Variants in RAB31 observed in about 807,000 individuals in gnomAD.
The protein encoded by RAB31 is ras-related protein Rab-31.
In RAB31, 21 loss-of-function variants were observed where a neutral mutation model predicts 25.6. That is an observed-to-expected ratio of 0.82 (90% CI 0.58 to 1.18). RAB31 has a LOEUF of 1.18. Among genes scored for constraint, RAB31 ranks in the 50% most tolerant of loss-of-function variants. The pLI is 0.00. For synonymous variants in RAB31, 87 were observed against 84.0 expected, an observed-to-expected ratio of 1.04 and a Z score of -0.20; for missense variants, 196 against 250.1, an observed-to-expected ratio of 0.78 and a Z score of 1.46.
rs2068789081 is a variant in RAB31, at chr18:9,851,498, G to A, written c.490+5807G>A. ...GCTCTGTTATCATCCCTGTTTTACAGATGAGGAAATTGAGGCCTGGAGAGG... is the reference window on the plus strand; with the variant it reads ...GCTCTGTTATCATCCCTGTTTTACAAATGAGGAAATTGAGGCCTGGAGAGG... On this transcript the variant is annotated intron_variant, in intron 6 of 6. Coordinates refer to ENST00000578921, the MANE Select transcript of RAB31 (RefSeq NM_006868.4). 3.3e-5 allele frequency among the ~76,000 whole-genome samples: 5 copies of A among 152,308 alleles called. No homozygotes were observed. In the South Asian group the frequency reaches 8.3e-4, roughly 25 times the overall value.
Position 9,731,748 on chromosome 18 carries a change from A to G in RAB31, c.39+23304A>G, listed in dbSNP as rs2068124081. The stretch of plus-strand genomic sequence containing the variant: ...GTAGCTGGGATTACAGGCGTGTGGC[A>G]CCACGCCCAGCTGATTTTTGTATTT... On this transcript the variant is annotated intron_variant, in intron 1 of 6. Transcript: ENST00000578921. 2.0e-5 allele frequency among the ~76,000 whole-genome samples: 3 copies of G among 151,926 alleles called. No individual in the cohort carries two copies. The South Asian group carries it at 6.2e-4, about 32-fold the overall frequency.
At position 9,709,198 on chromosome 18, in the gene RAB31, C is replaced by T. The variant is rs1360208438; in HGVS notation, c.39+754C>T. On this transcript the variant is annotated intron_variant, in intron 1 of 6. Transcript: ENST00000578921. ...AGCCAGAAACAAAAAAGCAGTCAAT[C>T]CGTGCGGCCCGGGGACTGCAGACAG... Among the ~76,000 whole-genome samples, 4 of 152,198 alleles carry T rather than the reference C, an allele frequency of 2.6e-5. 1 individual carries two copies. Among genetic ancestry groups the T allele is most frequent in the African/African-American group, 4.8e-5 (2 of 41,468 alleles).
At chr18:9,715,528 CT>C (rs1161797158) in intron 1 of RAB31, among the ~76,000 whole-genome samples, 19,106 of 127,454 alleles carry the variant, frequency 0.15, 765 homozygotes, top group Middle Eastern at 0.31. Flanking sequence ...CTCTCTCTCT[CT>C]TTTTTTTTTT....
chr18:9,812,677 C>T (rs910878165), intron 3 of RAB31, among the ~76,000 whole-genome samples: 1 of 146,006 alleles, frequency 6.8e-6, no homozygotes, highest in East Asian at 2.0e-4. Flanking sequence ...TTCAAAACCC[C>T]TCCAGGATAC....
intron 5 of RAB31, chr18:9,816,192 T>C (rs947576409): frequency 1.4e-5 from 3 of 208,404 alleles, no homozygotes; most frequent in African/African-American, 6.8e-5. Context: ...TTGTTATGTC[T>C]GCCCTCAGTG....
intron 1 of RAB31, among the ~76,000 whole-genome samples, chr18:9,726,704 G>A (rs2068097736): frequency 6.6e-6 from 1 of 152,120 alleles, no homozygotes; most frequent in African/African-American, 2.4e-5. Flanking sequence ...TTCACTAAAT[G>A]AATACTGTAG....
intron 1 of RAB31, among the ~76,000 whole-genome samples, chr18:9,737,926 G>GC (rs2068158628): frequency 6.6e-6 from 1 of 152,128 alleles, no homozygotes; most frequent in Admixed American, 6.6e-5. Flanking sequence ...AGTTTTGTCT[G>GC]CCCCCCACGC....
intron 1 of RAB31, among the ~76,000 whole-genome samples, chr18:9,730,093 C>T (rs558194316): frequency 3.3e-5 from 5 of 152,100 alleles, no homozygotes; most frequent in Admixed American, 1.3e-4. Flanking sequence ...TCAGATACAA[C>T]GAAATCCAGC....
chr18:9,788,018 A>G (rs1257073061), intron 2 of RAB31, among the ~76,000 whole-genome samples: 1 of 152,254 alleles, frequency 6.6e-6, no homozygotes, highest in Non-Finnish European at 1.5e-5. Flanking sequence ...CATGATATCT[A>G]TCAAAGGTAC....
intron 3 of RAB31, among the ~76,000 whole-genome samples, chr18:9,807,284 A>C (rs913099552): frequency 6.6e-6 from 1 of 152,216 alleles, no homozygotes; most frequent in Non-Finnish European, 1.5e-5. Flanking sequence ...TGTCCCACAC[A>C]GTGGGCTCTT....
chr18:9,750,191 G>C (rs962482728), intron 1 of RAB31, among the ~76,000 whole-genome samples: 1 of 152,158 alleles, frequency 6.6e-6, no homozygotes. Flanking sequence ...TGGGAAACAC[G>C]CTGATGCCAG....
At chr18:9,843,470 C>T (rs1012398842) in intron 5 of RAB31, among the ~76,000 whole-genome samples, 11 of 150,120 alleles carry the variant, frequency 7.3e-5, no homozygotes, top group Non-Finnish European at 1.3e-4. Flanking sequence ...TGCTTGAACC[C>T]GGGAGGCGGA....
chr18:9,763,212 G>A (rs1375946603), intron 1 of RAB31, among the ~76,000 whole-genome samples: 2 of 152,084 alleles, frequency 1.3e-5, no homozygotes, highest in Non-Finnish European at 2.9e-5. Context: ...CCTTGGACGA[G>A]TTGCTTTAAT....
At chr18:9,855,474 TACTGATTCA>T (rs1030031237) in intron 6 of RAB31, among the ~76,000 whole-genome samples, 4 of 152,110 alleles carry the variant, frequency 2.6e-5, no homozygotes, top group Admixed American at 2.6e-4. Flanking sequence ...GTGTAAATAA[TACTGATTCA>T]ACAGAGTTCC....
At chr18:9,734,710 C>G (rs2068141729) in intron 1 of RAB31, among the ~76,000 whole-genome samples, 1 of 152,232 alleles carries the variant, frequency 6.6e-6, no homozygotes, top group East Asian at 1.9e-4. Flanking sequence ...CGCCTCAGCA[C>G]TGTGTGCCAG....
At chr18:9,724,379 A>G (rs530821801) in intron 1 of RAB31, among the ~76,000 whole-genome samples, 190 of 151,892 alleles carry the variant, frequency 1.3e-3, no homozygotes, top group Non-Finnish European at 2.1e-3. Flanking sequence ...ATGACTGGAC[A>G]CTTCATTTGC....
intron 5 of RAB31, among the ~76,000 whole-genome samples, chr18:9,840,972 A>G (rs1456477428): frequency 1.3e-5 from 2 of 152,126 alleles, no homozygotes; most frequent in Admixed American, 1.3e-4. Context: ...CTGTTACCCA[A>G]GCGAGAGTGC....
chr18:9,731,082 T>C (rs1292885282), intron 1 of RAB31, among the ~76,000 whole-genome samples: 1 of 152,218 alleles, frequency 6.6e-6, no homozygotes, highest in Non-Finnish European at 1.5e-5. Context: ...TAACAGCATA[T>C]CTGCTGTTTC....
At chr18:9,784,336 G>A (rs370495288) in intron 2 of RAB31, among the ~76,000 whole-genome samples, 3 of 151,058 alleles carry the variant, frequency 2.0e-5, no homozygotes, top group East Asian at 3.9e-4. Context: ...CACCATGCTC[G>A]GCTCTACTTT....
Sources: gnomAD v4.1 joint callset for allele counts (sites outside exome capture counted in the v4.1 genomes callset) on GRCh38, gnomAD v4.1.1 for gene constraint, MANE v1.5 for transcripts, NCBI Gene and HGNC (gene_info 2026-07-23, HGNC 2026-07-21) for gene names.